The following ARHGAP23 variants were observed in gnomAD, a reference collection of about 807,000 sequenced individuals.
ARHGAP23 encodes Rho GTPase activating protein 23.
A neutral mutation model predicts 136.3 loss-of-function variants in ARHGAP23; 34 were observed. The observed-to-expected ratio is 0.25, with a 90% CI of 0.19 to 0.33. The LOEUF is 0.33. Ranked by LOEUF, ARHGAP23 falls within the 10% of genes least tolerant of loss-of-function variation. The pLI, the probability that ARHGAP23 is intolerant of heterozygous loss-of-function variation, is 1.00. For synonymous variants in ARHGAP23, 832 were observed against 920.5 expected, an observed-to-expected ratio of 0.90 and a Z score of 1.74; for missense variants, 1,808 against 2,139.0, an observed-to-expected ratio of 0.85 and a Z score of 3.05.
At chr17:38,460,556 T>G (rs918115885) in intron 2 of ARHGAP23, among the ~76,000 whole-genome samples, 1 of 152,156 alleles carries the variant, frequency 6.6e-6, no homozygotes, top group African/African-American at 2.4e-5. Flanking sequence ...TAGTTTGCGC[T>G]TGTCACGTGC....
chr17:38,446,181 ATTTTTTTTTTT>A (rs5820259), intron 1 of ARHGAP23, among the ~76,000 whole-genome samples: 1 of 99,646 alleles, frequency 1.0e-5, no homozygotes, highest in East Asian at 2.8e-4. Context: ...CACCTGGCTA[ATTTTTTTTTTT>A]TTTTTTTTTT....
chr17:38,507,149 C>T (rs2040651455), intron 23 of ARHGAP23, among the ~76,000 whole-genome samples: 1 of 151,934 alleles, frequency 6.6e-6, no homozygotes. Flanking sequence ...TGGTGTATGC[C>T]TGTAATCCCA....
rs1385611329 is a variant in ARHGAP23, at chr17:38,466,300, C to T, written c.617C>T (p.Thr206Ile). ...CCTGCCCGGGCCTCCACCAGGGCCACTATGGTGCCTGAGCCCACCTCAGCA... is the reference window on the plus strand; with the variant it reads ...CCTGCCCGGGCCTCCACCAGGGCCATTATGGTGCCTGAGCCCACCTCAGCA... ...APPARASTRATMVPEPTSALP... is the reference protein window; with the variant it reads ...APPARASTRAIMVPEPTSALP... Residue 206 changes from threonine to isoleucine, a missense_variant, in exon 7 of 24, where the codon ACT becomes ATT. Physicochemically the swap from Thr to Ile is moderately conservative, Grantham distance 89 (BLOSUM62 -1). Coordinates refer to ENST00000622683, the MANE Select transcript of ARHGAP23 (RefSeq NM_001199417.2). The T allele has an allele frequency of 2.1e-5, 33 of 1,547,090 alleles. No homozygotes were observed. The highest frequency in any genetic ancestry group is 2.6e-5 in the Non-Finnish European group (30 of 1,146,874).
At chr17:38,421,128 C>T (rs1455408673) in intron 1 of ARHGAP23, among the ~76,000 whole-genome samples, 1 of 152,202 alleles carries the variant, frequency 6.6e-6, no homozygotes, top group Non-Finnish European at 1.5e-5. Context: ...CAGCCTGCTC[C>T]CCTGTACCCT....
Position 38,459,009 on chromosome 17 carries a change from C to T in ARHGAP23, c.225+746C>T, listed in dbSNP as rs564001222. 7.7e-4 allele frequency among the ~76,000 whole-genome samples: 117 copies of T among 152,310 alleles called. 2 individuals carry two copies. In the South Asian group the frequency reaches 0.024, roughly 31 times the overall value. ...AAGGCTGTGAGCTAGGGGGAGGGGT[C>T]CCTGACAGCGAAGCAGAAGTGTGGG... On this transcript the variant is annotated intron_variant, in intron 2 of 23. Transcript: ENST00000622683.
intron 11 of ARHGAP23, among the ~76,000 whole-genome samples, chr17:38,475,321 G>A (rs140234505): frequency 2.8e-3 from 432 of 152,350 alleles, no homozygotes; most frequent in African/African-American, 9.8e-3. Flanking sequence ...TTTACCAGCC[G>A]GAGACACTGA....
intron 20 of ARHGAP23, among the ~76,000 whole-genome samples, chr17:38,496,273 G>A (rs935160405): frequency 6.6e-6 from 1 of 151,570 alleles, no homozygotes; most frequent in East Asian, 1.9e-4. Flanking sequence ...AAGTGGTAGG[G>A]TGCAGTGGCT....
rs2039926611 is a variant in ARHGAP23 at position 38,477,638 on chromosome 17, G to A, written c.2178G>A (p.Ser726=). 8 of 1,271,064 alleles carry A rather than the reference G, an allele frequency of 6.3e-6. No homozygotes were observed. Among genetic ancestry groups the A allele is most frequent in the East Asian group, 7.1e-5 (2 of 28,194 alleles). 78.7% of individuals were successfully genotyped at this position (1,271,064 alleles called of 1,614,324 possible). A position where few individuals can be genotyped will look rare whatever the true frequency, so the allele number is the denominator to read the frequency against. ...KRVYAALRAR[S]LSLSKERREP... ...TGTACGCCGCGCTGCGGGCGCGCTC[G>A]CTCTCGCTGAGCAAGGAGCGGCGGG... The change falls in exon 12 of 24, where the codon TCG becomes TCA. Residue 726 remains serine (S), a synonymous_variant. Coordinates refer to ENST00000622683, the MANE Select transcript of ARHGAP23 (RefSeq NM_001199417.2). This position sits in a 1 kb window ranked among gnomAD's most constrained non-coding sequence, Gnocchi z 6.6.
intron 20 of ARHGAP23, among the ~76,000 whole-genome samples, chr17:38,492,510 C>T (rs1038552959): frequency 1.2e-4 from 18 of 152,172 alleles, no homozygotes; most frequent in African/African-American, 4.3e-4. Flanking sequence ...AAGTGGCAGC[C>T]CAAGATTTCA....
intron 23 of ARHGAP23, among the ~76,000 whole-genome samples, chr17:38,502,001 A>G (rs2040532666): frequency 6.6e-6 from 1 of 152,156 alleles, no homozygotes; most frequent in Non-Finnish European, 1.5e-5. Flanking sequence ...ATTCTCCACT[A>G]TCTCTTTTGG....
chr17:38,454,315 A>G (rs922078633), intron 1 of ARHGAP23, among the ~76,000 whole-genome samples: 1 of 151,916 alleles, frequency 6.6e-6, no homozygotes, highest in Non-Finnish European at 1.5e-5. Flanking sequence ...GGGTGGCAGG[A>G]TTTGTGGCTT....
Position 38,510,479 on chromosome 17 carries a change from C to T in ARHGAP23, c.3983C>T (p.Pro1328Leu). The T allele has an allele frequency of 1.7e-6, 2 of 1,191,846 alleles. No individual in the cohort carries two copies. The highest frequency in any genetic ancestry group is 2.1e-6 in the Non-Finnish European group (2 of 963,138). 73.8% of individuals were successfully genotyped at this position (1,191,846 alleles called of 1,614,324 possible). A position where few individuals can be genotyped will look rare whatever the true frequency, so the allele number is the denominator to read the frequency against. The change falls in exon 24 of 24, where the codon CCA becomes CTA. Residue 1328 changes from proline to leucine, a missense_variant. Coordinates refer to ENST00000622683, the MANE Select transcript of ARHGAP23 (RefSeq NM_001199417.2). This position sits in a 1 kb window ranked among gnomAD's most constrained non-coding sequence, Gnocchi z 4.6. ...LARRRLARGR[P>L]DGEGAGRGGP... ...CGCCGCCGCCTGGCCCGGGGCCGCC[C>T]AGACGGCGAGGGCGCGGGCCGGGGC...
At chr17:38,493,430 GATCCTCCC>G (rs1183890641) in intron 20 of ARHGAP23, among the ~76,000 whole-genome samples, 1 of 152,032 alleles carries the variant, frequency 6.6e-6, no homozygotes, top group Non-Finnish European at 1.5e-5. Context: ...GGACTCAAGC[GATCCTCCC>G]ATCTCGGCCT....
chr17:38,510,504 C>A lies in ARHGAP23; in HGVS notation c.4008C>A (p.Gly1336=), dbSNP rs550175865. The change falls in exon 24 of 24, where the codon GGC becomes GGA. Residue 1336 remains glycine (G), a synonymous_variant. Transcript: ENST00000622683. The surrounding 1 kb of genome is among the most constrained non-coding windows in gnomAD (Gnocchi z 4.6). ...GRPDGEGAGR[G]GPRAPEPPGS... ...CAGACGGCGAGGGCGCGGGCCGGGG[C>A]GGTCCCCGCGCCCCGGAGCCGCCCG... 2.0e-5 allele frequency: 23 copies of A among 1,139,358 alleles called. No homozygotes were observed. The highest frequency in any genetic ancestry group is 2.4e-5 in the Non-Finnish European group (22 of 930,576). 70.6% of individuals were successfully genotyped at this position (1,139,358 alleles called of 1,614,324 possible). A position where few individuals can be genotyped will look rare whatever the true frequency, so the allele number is the denominator to read the frequency against.
intron 20 of ARHGAP23, among the ~76,000 whole-genome samples, chr17:38,496,653 G>A (rs897834964): frequency 7.9e-5 from 12 of 152,146 alleles, no homozygotes; most frequent in African/African-American, 2.7e-4. Flanking sequence ...CAGAGAGCAG[G>A]AGGTTCACTT....
chr17:38,481,390 G>C (rs1363426903), intron 14 of ARHGAP23, among the ~76,000 whole-genome samples: 1 of 151,334 alleles, frequency 6.6e-6, no homozygotes, highest in Non-Finnish European at 1.5e-5. Context: ...CTCGTGATCC[G>C]CCCGCCTCGG....
At chr17:38,431,768 A>G (rs987021781) in intron 1 of ARHGAP23, among the ~76,000 whole-genome samples, 64 of 152,316 alleles carry the variant, frequency 4.2e-4, no homozygotes, top group Admixed American at 3.5e-3. Context: ...ACAGTGGGGA[A>G]ACAGACTGGG....
At chr17:38,453,427 GTGTGTGT>G (rs2144585550) in intron 1 of ARHGAP23, among the ~76,000 whole-genome samples, 1 of 58,638 alleles carries the variant, frequency 1.7e-5, no homozygotes, top group African/African-American at 7.4e-5. Context: ...GCGTGCGTGT[GTGTGTGT>G]GTGTGTGTGT....
intron 1 of ARHGAP23, among the ~76,000 whole-genome samples, chr17:38,429,058 G>C (rs1407906848): frequency 1.3e-5 from 2 of 152,308 alleles, no homozygotes; most frequent in African/African-American, 4.8e-5. Context: ...GCCCCCTGCC[G>C]GGTCGGACTG....
Sources: gnomAD v4.1 joint callset for allele counts (sites outside exome capture counted in the v4.1 genomes callset) on GRCh38, gnomAD v4.1.1 for gene constraint, Gnocchi (gnomAD v3.1) non-coding constraint, MANE v1.5 for transcripts, NCBI Gene and HGNC (gene_info 2026-07-23, HGNC 2026-07-21) for gene names.